Variants in GRID1 observed in about 807,000 individuals in gnomAD.
GRID1 encodes glutamate ionotropic receptor delta type subunit 1.
Under a neutral mutation model 98.0 loss-of-function variants are expected in GRID1, and 28 were observed. The ratio of observed to expected loss-of-function variants is 0.29; its 90% CI spans 0.21 to 0.39. GRID1 has a LOEUF of 0.39. GRID1 is among the 10% of genes least tolerant of loss of function. The pLI, the probability that GRID1 is intolerant of heterozygous loss-of-function variation, is 1.00. For synonymous variants in GRID1, 553 were observed against 538.5 expected, an observed-to-expected ratio of 1.03 and a Z score of -0.37; for missense variants, 1,111 against 1,340.5, an observed-to-expected ratio of 0.83 and a Z score of 2.67.
intron 4 of GRID1, among the ~76,000 whole-genome samples, chr10:86,046,894 G>A (rs1044680410): frequency 1.3e-5 from 2 of 148,152 alleles, no homozygotes; most frequent in Non-Finnish European, 3.0e-5. Flanking sequence ...CAGAGACTCA[G>A]AGAGATCAAA....
At chr10:86,199,409 C>A (rs1481498025) in intron 3 of GRID1, among the ~76,000 whole-genome samples, 1 of 152,080 alleles carries the variant, frequency 6.6e-6, no homozygotes, top group East Asian at 1.9e-4. Context: ...ATCAAAAATG[C>A]CACAATAAAT....
chr10:86,281,687 A>ACT (rs1847359036), intron 2 of GRID1, among the ~76,000 whole-genome samples: 2 of 152,184 alleles, frequency 1.3e-5, no homozygotes, highest in South Asian at 2.1e-4. Flanking sequence ...CTAGGACAGT[A>ACT]GTCCTAGGCC....
intron 5 of GRID1, among the ~76,000 whole-genome samples, chr10:85,909,239 A>AG (rs1841502946): frequency 6.6e-6 from 1 of 152,218 alleles, no homozygotes; most frequent in Admixed American, 6.5e-5. Context: ...CATCACAGTG[A>AG]GGACCATTAC....
intron 4 of GRID1, among the ~76,000 whole-genome samples, chr10:86,103,125 G>A (rs986887791): frequency 1.3e-5 from 2 of 152,136 alleles, no homozygotes; most frequent in South Asian, 4.1e-4. Context: ...ATAGCAGTAT[G>A]AAATGGGCTA....
intron 5 of GRID1, among the ~76,000 whole-genome samples, chr10:85,895,016 A>AAAATATATATATAT (rs766551035): frequency 4.1e-3 from 398 of 96,990 alleles, no homozygotes; most frequent in Non-Finnish European, 6.7e-3. Context: ...AAAAAAAAAA[A>AAAATATATATATAT]ATATATATAT....
intron 12 of GRID1, among the ~76,000 whole-genome samples, chr10:85,697,661 T>C (rs892148408): frequency 6.6e-6 from 1 of 152,190 alleles, no homozygotes; most frequent in African/African-American, 2.4e-5. Flanking sequence ...CCCATTAATA[T>C]GAACCACCTT....
At chr10:85,933,208 G>A (rs76437918) in intron 4 of GRID1, among the ~76,000 whole-genome samples, 14,742 of 149,190 alleles carry the variant, frequency 0.099, 865 homozygotes, top group Middle Eastern at 0.14. Context: ...CAGCACAAAG[G>A]CCCTTGCCAA....
chr10:85,960,672 C>G (rs1230621064), intron 4 of GRID1, among the ~76,000 whole-genome samples: 1 of 152,220 alleles, frequency 6.6e-6, no homozygotes, highest in Non-Finnish European at 1.5e-5. Context: ...GCAAGAATCT[C>G]TCACCTGCCT....
At chr10:85,999,324 A>G (rs1325149437) in intron 4 of GRID1, among the ~76,000 whole-genome samples, 1 of 149,718 alleles carries the variant, frequency 6.7e-6, no homozygotes, top group Non-Finnish European at 1.5e-5. Context: ...TAACACAGTT[A>G]AAAGTTTTCC....
rs1346588815 is a variant in GRID1, at chr10:85,865,936, T to C, written c.951+3074A>G. Among the ~76,000 whole-genome samples, 9 of 112,666 alleles carry C rather than the reference T, an allele frequency of 8.0e-5. No homozygotes were observed. The East Asian group carries it at 8.8e-4, about 11-fold the overall frequency. 73.9% of individuals were successfully genotyped at this position (112,666 alleles called of 152,430 possible). A position where few individuals can be genotyped will look rare whatever the true frequency, so the allele number is the denominator to read the frequency against. ...ACATATATATATATATATATATATA[T>C]ATATATACACATATATATGGAGAGA... On this transcript the variant is annotated intron_variant, in intron 6 of 15. Coordinates refer to ENST00000327946, the MANE Select transcript of GRID1 (RefSeq NM_017551.3).
At chr10:85,869,741 C>T (rs1270017724) in intron 5 of GRID1, among the ~76,000 whole-genome samples, 1 of 152,140 alleles carries the variant, frequency 6.6e-6, no homozygotes, top group Non-Finnish European at 1.5e-5. Flanking sequence ...TGGATACAGC[C>T]AGAAAAAAAT....
intron 3 of GRID1, among the ~76,000 whole-genome samples, chr10:86,147,991 C>T (rs1055576452): frequency 6.6e-6 from 1 of 152,214 alleles, no homozygotes; most frequent in African/African-American, 2.4e-5. Context: ...AAAGCACAGC[C>T]GACTCTTGAC....
chr10:85,675,229 G>C (rs1346866356), intron 12 of GRID1, among the ~76,000 whole-genome samples: 1 of 152,194 alleles, frequency 6.6e-6, no homozygotes, highest in Non-Finnish European at 1.5e-5. Context: ...ACACACGTGA[G>C]CTATGCAGCC....
At chr10:85,627,197 T>C (rs1842923627) in intron 13 of GRID1, among the ~76,000 whole-genome samples, 1 of 152,206 alleles carries the variant, frequency 6.6e-6, no homozygotes. Flanking sequence ...CAGCCTGGGT[T>C]ACTGAGTCCA....
At chr10:85,637,234 C>A (rs994266007) in intron 13 of GRID1, among the ~76,000 whole-genome samples, 2 of 152,092 alleles carry the variant, frequency 1.3e-5, no homozygotes, top group African/African-American at 4.8e-5. Context: ...CTTGGAACTG[C>A]ATTTAGGTGG....
At chr10:86,208,724 G>A (rs1846069057) in intron 2 of GRID1, among the ~76,000 whole-genome samples, 1 of 152,192 alleles carries the variant, frequency 6.6e-6, no homozygotes, top group Non-Finnish European at 1.5e-5. Flanking sequence ...AGGAGGACCA[G>A]GGTCATGCCT....
intron 12 of GRID1, among the ~76,000 whole-genome samples, chr10:85,659,713 T>G (rs12251467): frequency 1.6e-3 from 250 of 152,312 alleles, no homozygotes; most frequent in African/African-American, 5.4e-3. Flanking sequence ...GAAAGGGAAT[T>G]GGGAGGAGAA....
intron 12 of GRID1, among the ~76,000 whole-genome samples, chr10:85,691,245 CT>C (rs1841328544): frequency 6.6e-6 from 1 of 152,216 alleles, no homozygotes; most frequent in African/African-American, 2.4e-5. Context: ...TCCTTAAACA[CT>C]GACCTCCTCT....
intron 4 of GRID1, among the ~76,000 whole-genome samples, chr10:85,930,061 A>G (rs983342221): frequency 6.6e-6 from 1 of 152,220 alleles, no homozygotes; most frequent in Non-Finnish European, 1.5e-5. Flanking sequence ...GACTATGATT[A>G]TATTATTTCC....
Sources: allele counts gnomAD v4.1 joint callset (sites outside exome capture counted in the v4.1 genomes callset), GRCh38; gene constraint gnomAD v4.1.1; transcripts MANE v1.5; gene names NCBI Gene and HGNC (gene_info 2026-07-23, HGNC 2026-07-21).